The following ABCC3 variants were observed in gnomAD, a reference collection of about 807,000 sequenced individuals.
ABCC3 encodes the protein ATP binding cassette subfamily C member 3.
In ABCC3, 121 loss-of-function variants were observed where a neutral mutation model predicts 165.3. The ratio of observed to expected loss-of-function variants is 0.73; its 90% CI spans 0.63 to 0.85. The LOEUF (loss-of-function observed/expected upper bound fraction) is 0.85, where lower values mean the gene tolerates loss of function less well. Among genes scored for constraint, ABCC3 ranks in the 40% least tolerant of loss-of-function variants. The pLI, the probability that ABCC3 is intolerant of heterozygous loss-of-function variation, is 0.00. For synonymous variants in ABCC3, 733 were observed against 810.1 expected, an observed-to-expected ratio of 0.90 and a Z score of 1.62; for missense variants, 1,869 against 1,964.1, an observed-to-expected ratio of 0.95 and a Z score of 0.92.
At chr17:50,686,840 C>T (rs1049995168) in intron 29 of ABCC3, among the ~76,000 whole-genome samples, 27 of 152,142 alleles carry the variant, frequency 1.8e-4, no homozygotes, top group African/African-American at 5.6e-4. Flanking sequence ...GACTTTACTC[C>T]GGCTGTGGTG....
Position 50,687,568 on chromosome 17 carries a change from G to C in ABCC3, c.4313G>C (p.Arg1438Pro), listed in dbSNP as rs769504392. The C allele has an allele frequency of 1.2e-6, 2 of 1,613,956 alleles. No homozygotes were observed. The highest frequency in any genetic ancestry group is 1.3e-5 in the African/African-American group (1 of 75,064). ...VGQRQLVCLA[R>P]ALLRKSRILV... ...CAGAGGCAGCTCGTGTGCCTGGCCC[G>C]AGCCCTGCTCCGCAAGAGCCGCATC... The change falls in exon 30 of 31, where the codon CGA becomes CCA. Residue 1438 changes from arginine to proline, a missense_variant. Physicochemically the swap from Arg to Pro is moderately radical, Grantham distance 103 (BLOSUM62 -2). Coordinates refer to ENST00000285238, the MANE Select transcript of ABCC3 (RefSeq NM_003786.4).
At chr17:50,653,791 C>G (rs984136190) in intron 1 of ABCC3, among the ~76,000 whole-genome samples, 10 of 151,496 alleles carry the variant, frequency 6.6e-5, no homozygotes, top group African/African-American at 2.4e-4. Context: ...AGTAAAGGCT[C>G]AAAGAACTCC....
In ABCC3 at chr17:50,655,848, T is replaced by C. The variant is rs147484871; in HGVS notation, c.62T>C (p.Val21Ala). 2.7e-5 allele frequency: 44 copies of C among 1,614,044 alleles called. No homozygotes were observed. In the African/African-American group the frequency reaches 4.1e-4, roughly 15 times the overall value. ...TGTCCCCAGGACTCCAACCTGTCTG[T>C]GCACACAGAAAACCCGGACCTCACT... Reference protein sequence around the residue: ...GSKFWDSNLSVHTENPDLTPC... With the variant: ...GSKFWDSNLSAHTENPDLTPC... Residue 21 changes from valine to alanine, a missense_variant, in exon 2 of 31, where the codon GTG becomes GCG. Physicochemically the swap from Val to Ala is moderately conservative, Grantham distance 64. Coordinates refer to ENST00000285238, the MANE Select transcript of ABCC3 (RefSeq NM_003786.4).
Position 50,691,340 on chromosome 17 carries a change from G to A in ABCC3, c.*140G>A. On this transcript the variant is annotated 3_prime_UTR_variant, in exon 31 of 31. Transcript: ENST00000285238. ...TTGCACCTGTAAAGTGCCTTACAGGGTAACTGTGCTGAATGCTTTAGATGA... is the reference window on the plus strand; with the variant it reads ...TTGCACCTGTAAAGTGCCTTACAGGATAACTGTGCTGAATGCTTTAGATGA... 1 of 647,248 alleles carries A rather than the reference G, an allele frequency of 1.5e-6. No homozygotes were observed. Among genetic ancestry groups the A allele is most frequent in the Non-Finnish European group, 2.8e-6 (1 of 356,962 alleles). The allele number at this position is 647,248 out of a possible 1,614,324, so 40.1% of individuals were successfully genotyped here. A position where few individuals can be genotyped will look rare whatever the true frequency, so the allele number is the denominator to read the frequency against.
rs753903498 is a variant in ABCC3, at chr17:50,673,544, G to A, written c.2485G>A (p.Val829Met). 2.5e-6 allele frequency: 4 copies of A among 1,614,106 alleles called. No homozygotes were observed. The highest frequency in any genetic ancestry group is 1.7e-5 in the Admixed American group (1 of 60,006). ...CATCATTGTGCTAGCTGATGGACAG[G>A]TGTCTGAGATGGGCCCGTACCCAGC... ...DFIIVLADGQVSEMGPYPALL... is the reference protein window; with the variant it reads ...DFIIVLADGQMSEMGPYPALL... Residue 829 changes from valine (V) to methionine (M), a missense_variant, in exon 19 of 31, where the codon GTG (valine) becomes ATG (methionine). Transcript: ENST00000285238.
chr17:50,653,068 G>A (rs143305558), intron 1 of ABCC3, among the ~76,000 whole-genome samples: 103 of 152,264 alleles, frequency 6.8e-4, no homozygotes, highest in African/African-American at 1.8e-3. Context: ...GCTTTAGGCC[G>A]GGCACGGTGG....
chr17:50,669,674 AT>A, intron 17 of ABCC3, 146 bp downstream of exon 17: 1 of 821,848 alleles, frequency 1.2e-6, no homozygotes, highest in Non-Finnish European at 1.9e-6. Context: ...AAACAGATCT[AT>A]TAGCAGATCT....
intron 11 of ABCC3, among the ~76,000 whole-genome samples, chr17:50,666,298 C>T (rs1967526654): frequency 6.6e-6 from 1 of 152,070 alleles, no homozygotes; most frequent in Non-Finnish European, 1.5e-5. Flanking sequence ...ATGGAGAAAC[C>T]CCGTCTCTAC....
intron 30 of ABCC3, among the ~76,000 whole-genome samples, chr17:50,688,123 T>C (rs1483500964): frequency 6.6e-6 from 1 of 152,104 alleles, no homozygotes; most frequent in East Asian, 1.9e-4. Context: ...TTGGCCAGGC[T>C]GGTCTCGAAC....
chr17:50,638,417 G>C (rs2054198837), intron 1 of ABCC3, among the ~76,000 whole-genome samples: 1 of 152,236 alleles, frequency 6.6e-6, no homozygotes, highest in African/African-American at 2.4e-5. Flanking sequence ...GAAGTAGTGA[G>C]CTCCCTGTCA....
rs376037553 is a variant in ABCC3 at position 50,658,202 on chromosome 17, G to A, written c.607G>A (p.Asp203Asn). 3 of 1,614,108 alleles carry A rather than the reference G, an allele frequency of 1.9e-6. No homozygotes were observed. The highest frequency in any genetic ancestry group is 1.1e-5 in the South Asian group (1 of 91,060). The change falls in exon 5 of 31, where the codon GAC (aspartate) becomes AAC (asparagine). Residue 203 changes from aspartate (D) to asparagine (N), a missense_variant. Asp to Asn is a conservative substitution (Grantham distance 23, BLOSUM62 1). Coordinates refer to ENST00000285238, the MANE Select transcript of ABCC3 (RefSeq NM_003786.4). ...TCCATTTTTCTCCGCAAAGAATGTC[G>A]ACCCTGTGAGTTTCCCATGGAGGGT... ...KPPFFSAKNV[D>N]PNPYPETSAG...
chr17:50,645,735 G>C (rs1597839727), intron 1 of ABCC3, among the ~76,000 whole-genome samples: 1 of 152,102 alleles, frequency 6.6e-6, no homozygotes, highest in Non-Finnish European at 1.5e-5. Context: ...ATGTAACTGG[G>C]ACTACAGGTG....
chr17:50,684,174 TAGC>T, intron 28 of ABCC3, 67 bp downstream of exon 28: 1 of 1,565,064 alleles, frequency 6.4e-7, no homozygotes, highest in Non-Finnish European at 8.6e-7. Flanking sequence ...CCTTGTTCTG[TAGC>T]TTTAGGATGG....
intron 1 of ABCC3, among the ~76,000 whole-genome samples, chr17:50,642,205 A>G (rs1456118120): frequency 6.6e-6 from 1 of 152,210 alleles, no homozygotes; most frequent in African/African-American, 2.4e-5. Context: ...AAAGGCAGGG[A>G]CGGCCAAGAG....
intron 24 of ABCC3, 42 bp downstream of exon 24, chr17:50,677,985 C>G: frequency 6.2e-7 from 1 of 1,613,964 alleles, no homozygotes; most frequent in Admixed American, 1.7e-5. Context: ...TCCAGGAATT[C>G]CCAGCAGGCT....
intron 6 of ABCC3, 49 bp downstream of exon 6, chr17:50,658,545 A>G: frequency 6.3e-7 from 1 of 1,578,888 alleles, no homozygotes; most frequent in Non-Finnish European, 8.7e-7. Flanking sequence ...GAGGGATGGA[A>G]GGTGAGATGG....
chr17:50,689,563 A>T (rs536548799), intron 30 of ABCC3, among the ~76,000 whole-genome samples: 1 of 152,230 alleles, frequency 6.6e-6, no homozygotes, highest in Non-Finnish European at 1.5e-5. Flanking sequence ...CTCAAGAAAC[A>T]CTTGCAGGAC....
At chr17:50,663,579 C>T in intron 8 of ABCC3, 102 bp from the exon 9 acceptor site, 1 of 1,391,986 alleles carries the variant, frequency 7.2e-7, no homozygotes, top group Non-Finnish European at 9.9e-7. Flanking sequence ...GTTTCAGAGG[C>T]CAGGGGTGCA....
At chr17:50,680,627 C>T (rs1211084939) in intron 26 of ABCC3, among the ~76,000 whole-genome samples, 1 of 152,158 alleles carries the variant, frequency 6.6e-6, no homozygotes, top group Non-Finnish European at 1.5e-5. Flanking sequence ...CTTCACCTCC[C>T]TCCCCGGCCA....
Sources: allele counts gnomAD v4.1 joint callset (sites outside exome capture counted in the v4.1 genomes callset), GRCh38; gene constraint gnomAD v4.1.1; transcripts MANE v1.5; gene names NCBI Gene and HGNC (gene_info 2026-07-23, HGNC 2026-07-21).